TACC2: variants seen among roughly 807,000 people sequenced by gnomAD.
TACC2 encodes transforming acidic coiled-coil-containing protein 2.
Under a neutral mutation model 227.3 loss-of-function variants are expected in TACC2, and 137 were observed. The observed-to-expected ratio is 0.60, with a 90% confidence interval of 0.52 to 0.69. TACC2 has a LOEUF of 0.69. TACC2 is among the 30% of genes least tolerant of loss of function. The pLI is 0.00. For missense variants in TACC2, 3,470 were observed against 3,694.4 expected (o/e 0.94, Z 1.57); for synonymous variants, 1,523 against 1,487.5 (o/e 1.02, Z -0.55).
At chr10:122,164,013 G>A (rs1483002091) in intron 7 of TACC2, 1 of 1,567,664 alleles carries the variant, frequency 6.4e-7, no homozygotes, top group East Asian at 2.4e-5. Flanking sequence ...CGCCCGGGCC[G>A]CCCCGAGTCT....
intron 4 of TACC2, 141 bp downstream of exon 4, chr10:122,088,100 C>A: frequency 1.1e-6 from 1 of 911,800 alleles, no homozygotes; most frequent in Non-Finnish European, 1.5e-6. Context: ...AATGAACCTG[C>A]TTACCCCCTC....
Position 122,096,062 on chromosome 10 carries a change from T to G in TACC2, c.5573+7471T>G, listed in dbSNP as rs1364184008. Reference sequence around the variant, plus strand: ...CCCTGGACATTTCTCAAGCACCTGCTGGTGCTCGGTGAGTATTAGGCGCCC... The same window carrying G: ...CCCTGGACATTTCTCAAGCACCTGCGGGTGCTCGGTGAGTATTAGGCGCCC... On this transcript the variant is annotated intron_variant, in intron 5 of 22. Transcript: ENST00000369005. Among the ~76,000 whole-genome samples, 4 of 152,314 alleles carry G rather than the reference T, an allele frequency of 2.6e-5. No homozygotes were observed. In the East Asian group the frequency reaches 7.7e-4, roughly 29 times the overall value.
At chr10:122,071,983 T>C (rs2078129060) in intron 3 of TACC2, among the ~76,000 whole-genome samples, 1 of 144,914 alleles carries the variant, frequency 6.9e-6, no homozygotes, top group Admixed American at 6.8e-5. Flanking sequence ...TAACTCTTTT[T>C]TTTTTTTTTT....
chr10:122,175,890 G>A (rs2093670977), intron 7 of TACC2, among the ~76,000 whole-genome samples: 2 of 152,160 alleles, frequency 1.3e-5, no homozygotes, highest in Admixed American at 6.5e-5. Context: ...AACATGGCCA[G>A]CATGGCAACA....
chr10:122,129,409 A>G (rs1252371043), intron 5 of TACC2, among the ~76,000 whole-genome samples: 1 of 152,026 alleles, frequency 6.6e-6, no homozygotes, highest in Non-Finnish European at 1.5e-5. Flanking sequence ...GTTGCGCCTT[A>G]ATTTGATGAA....
At chr10:122,169,942 G>A (rs1486306581) in intron 7 of TACC2, among the ~76,000 whole-genome samples, 1 of 151,964 alleles carries the variant, frequency 6.6e-6, no homozygotes, top group African/African-American at 2.4e-5. Flanking sequence ...GTAAAGACAG[G>A]GCCTCCCTAT....
At chr10:122,041,563 C>T (rs1359676252) in intron 2 of TACC2, among the ~76,000 whole-genome samples, 1 of 151,632 alleles carries the variant, frequency 6.6e-6, no homozygotes, top group Non-Finnish European at 1.5e-5. Flanking sequence ...TCTCCTGTTT[C>T]AGCCTCCTGA....
At chr10:122,154,965 C>T (rs1042447151) in intron 7 of TACC2, among the ~76,000 whole-genome samples, 1 of 152,194 alleles carries the variant, frequency 6.6e-6, no homozygotes, top group African/African-American at 2.4e-5. Flanking sequence ...TGCTGCCTGG[C>T]TCACAAGAAG....
At chr10:122,098,359 C>T (rs1205520579) in intron 5 of TACC2, among the ~76,000 whole-genome samples, 1 of 152,194 alleles carries the variant, frequency 6.6e-6, no homozygotes, top group Non-Finnish European at 1.5e-5. Flanking sequence ...TGATACCTTG[C>T]ATGAGGCACC....
intron 8 of TACC2, among the ~76,000 whole-genome samples, chr10:122,203,710 T>A (rs1470586401): frequency 6.9e-5 from 10 of 144,272 alleles, no homozygotes; most frequent in Non-Finnish European, 1.2e-4. Flanking sequence ...CACATCCCAG[T>A]CGATGGGCGG....
intron 6 of TACC2, among the ~76,000 whole-genome samples, chr10:122,138,788 G>A (rs751328039): frequency 2.0e-5 from 3 of 152,216 alleles, no homozygotes; most frequent in Non-Finnish European, 4.4e-5. Flanking sequence ...GCAAGTGTCA[G>A]ATATTGAGAA....
intron 3 of TACC2, among the ~76,000 whole-genome samples, chr10:122,068,163 GA>G (rs2077591869): frequency 6.6e-6 from 1 of 152,088 alleles, no homozygotes; most frequent in Non-Finnish European, 1.5e-5. Flanking sequence ...TTCATCTCTA[GA>G]AGTTTGATTT....
chr10:122,148,363 C>CA (rs1179284711), intron 7 of TACC2, among the ~76,000 whole-genome samples: 1 of 152,236 alleles, frequency 6.6e-6, no homozygotes, highest in Admixed American at 6.5e-5. Context: ...CTCAGCCTCC[C>CA]AAAGTGCTGG....
chr10:122,118,819 G>A (rs1216611695), intron 5 of TACC2, among the ~76,000 whole-genome samples: 1 of 152,200 alleles, frequency 6.6e-6, no homozygotes, highest in Non-Finnish European at 1.5e-5. Context: ...GCCTGAAAAA[G>A]TTAGAGAGGA....
In TACC2 at chr10:122,083,225, GGGT is replaced by G; in HGVS notation, c.728_730del (p.Val243del). The G allele has an allele frequency of 6.2e-7, 1 of 1,613,456 alleles. No homozygotes were observed. Among genetic ancestry groups the G allele is most frequent in the Non-Finnish European group, 8.5e-7 (1 of 1,179,978 alleles). Reference sequence around the variant, plus strand: ...TTTCCCCCTGCAGAGTCCAGGCAGGGGGTGGCTTCTGTGCAAGTGACCCCTGAG... The same window carrying G: ...TTTCCCCCTGCAGAGTCCAGGCAGGGGGCTTCTGTGCAAGTGACCCCTGAG... On this transcript the variant is annotated inframe_deletion, in exon 4 of 23. Transcript: ENST00000369005.
chr10:122,132,594 C>T lies in TACC2; in HGVS notation c.5574-15C>T. On this transcript the variant is annotated splice_polypyrimidine_tract_variant and intron_variant, in intron 5 of 22. Transcript: ENST00000369005. ...ATGTTTCTGAGTTTAGGTTCTTTCCCTTTTCTCTCCCCAGTTCACCTGTGG... is the reference window on the plus strand; with the variant it reads ...ATGTTTCTGAGTTTAGGTTCTTTCCTTTTTCTCTCCCCAGTTCACCTGTGG... 6.2e-7 allele frequency: 1 copy of T among 1,613,968 alleles called. No homozygotes were observed. The highest frequency in any genetic ancestry group is 8.5e-7 in the Non-Finnish European group (1 of 1,179,894).
chr10:122,171,092 T>C (rs765342928), intron 7 of TACC2, among the ~76,000 whole-genome samples: 67 of 149,590 alleles, frequency 4.5e-4, no homozygotes, highest in Non-Finnish European at 7.6e-4. Flanking sequence ...AGGAAAGCAG[T>C]GGGCCTTTTA....
rs750363244 is a variant in TACC2, at chr10:122,226,526, C to T, written c.7724+45C>T. 40 of 1,386,854 alleles carry T rather than the reference C, an allele frequency of 2.9e-5. 1 individual carries two copies. The South Asian group carries it at 4.7e-4, about 16-fold the overall frequency. The allele number at this position is 1,386,854 out of a possible 1,614,324, so 85.9% of individuals were successfully genotyped here. Reference sequence around the variant, plus strand: ...AGAGTTACACATCATGCTGGATGTTCTAAAGCCTCTGAGCACCTTCATGCT... The same window carrying T: ...AGAGTTACACATCATGCTGGATGTTTTAAAGCCTCTGAGCACCTTCATGCT... On this transcript the variant is annotated intron_variant, in intron 13 of 22. Transcript: ENST00000369005.
rs762208855 is a variant in TACC2, at chr10:122,211,198, C to T, written c.6773C>T (p.Ala2258Val). 17 of 1,613,690 alleles carry T rather than the reference C, an allele frequency of 1.1e-5. No individual in the cohort carries two copies. Among genetic ancestry groups the T allele is most frequent in the Middle Eastern group, 3.3e-4 (2 of 6,084 alleles). The change falls in exon 9 of 23, where the codon GCC becomes GTC. Residue 2258 changes from alanine to valine, a missense_variant. Ala to Val is a moderately conservative substitution (Grantham distance 64). Around this residue, in one of 10 missense-constraint regions of TACC2, gnomAD observed 593 missense variants for 636.6 expected, o/e 0.93. Coordinates refer to ENST00000369005, the MANE Select transcript of TACC2 (RefSeq NM_206862.4). ...AGCGGGGGGCAAGAGGACTCTCCAG[C>T]CAAAGGGCTCTCCGTAAGGCTGGAG... ...SDSGGQEDSP[A>V]KGLSVRLEFD...
Sources: allele counts gnomAD v4.1 joint callset (sites outside exome capture counted in the v4.1 genomes callset), GRCh38; gene constraint gnomAD v4.1.1; regional missense constraint gnomAD v4.1.1; transcripts MANE v1.5; gene names NCBI Gene and HGNC (gene_info 2026-07-23, HGNC 2026-07-21).